The following TAFA2 variants were observed in gnomAD, a reference collection of about 807,000 sequenced individuals.
TAFA2 encodes the protein TAFA chemokine like family member 2, also known as chemokine-like protein TAFA-2.
TAFA2 carries 7 observed loss-of-function variants against 18.8 expected under a neutral mutation model. That is an observed-to-expected ratio of 0.37 (90% CI 0.21 to 0.70). TAFA2 has a LOEUF of 0.70. TAFA2 is among the 30% of genes least tolerant of loss of function. The probability of loss-of-function intolerance (pLI) is 0.53; values close to 1 mark genes in which losing one functional copy is unlikely to be tolerated. For synonymous variants in TAFA2, 60 were observed against 54.2 expected (o/e 1.11, Z -0.47); for missense variants, 122 against 158.1 (o/e 0.77, Z 1.23).
chr12:62,151,714 T>C (rs779381367), intron 1 of TAFA2, among the ~76,000 whole-genome samples: 14 of 152,220 alleles, frequency 9.2e-5, no homozygotes, highest in Non-Finnish European at 2.1e-4. Flanking sequence ...TTCCCCAGAC[T>C]TGTGTATCTT....
intron 2 of TAFA2, among the ~76,000 whole-genome samples, chr12:61,769,449 A>G (rs1869930770): frequency 6.6e-6 from 1 of 151,822 alleles, no homozygotes; most frequent in Non-Finnish European, 1.5e-5. Flanking sequence ...CCATTGCATT[A>G]AAAAAAACTA....
chr12:62,143,488 C>T (rs2062255010), intron 1 of TAFA2, among the ~76,000 whole-genome samples: 1 of 152,172 alleles, frequency 6.6e-6, no homozygotes, highest in South Asian at 2.1e-4. Context: ...GACTATCTAA[C>T]TAAGAACTTT....
chr12:61,858,902 T>C (rs1425801101), intron 2 of TAFA2, among the ~76,000 whole-genome samples: 2 of 152,230 alleles, frequency 1.3e-5, no homozygotes, highest in Non-Finnish European at 2.9e-5. Context: ...TATATTAATG[T>C]AATGTATACT....
intron 1 of TAFA2, among the ~76,000 whole-genome samples, chr12:62,033,215 C>A (rs2136748491): frequency 6.6e-6 from 1 of 152,176 alleles, no homozygotes; most frequent in Middle Eastern, 3.4e-3. Flanking sequence ...TCCTGTGTCA[C>A]CTTATGAAAC....
At chr12:61,946,230 G>A (rs1878264308) in intron 1 of TAFA2, among the ~76,000 whole-genome samples, 1 of 150,748 alleles carries the variant, frequency 6.6e-6, no homozygotes. Context: ...TTAATAAATG[G>A]TGCTGGGAAA....
intron 1 of TAFA2, among the ~76,000 whole-genome samples, chr12:62,230,724 C>T (rs987371760): frequency 1.1e-4 from 17 of 152,160 alleles, no homozygotes; most frequent in African/African-American, 3.4e-4. Context: ...GTCACCCAGG[C>T]TGGAGTGCAG....
At chr12:62,124,745 C>T (rs1485660963) in intron 1 of TAFA2, among the ~76,000 whole-genome samples, 1 of 152,072 alleles carries the variant, frequency 6.6e-6, no homozygotes, top group African/African-American at 2.4e-5. Context: ...TCAATCCCAG[C>T]GTGATCTTGC....
intron 2 of TAFA2, among the ~76,000 whole-genome samples, chr12:61,861,256 CTTTTT>C (rs1172711323): frequency 1.7e-5 from 2 of 117,146 alleles, no homozygotes; most frequent in African/African-American, 6.6e-5. Flanking sequence ...CTGGCCTCGC[CTTTTT>C]TTTTTTTTTT....
At chr12:62,144,273 T>C (rs904920257) in intron 1 of TAFA2, among the ~76,000 whole-genome samples, 1 of 152,080 alleles carries the variant, frequency 6.6e-6, no homozygotes, top group African/African-American at 2.4e-5. Context: ...TCCAAAATTA[T>C]GCTAGGTTAG....
At chr12:62,021,373 A>G (rs1881130126) in intron 1 of TAFA2, among the ~76,000 whole-genome samples, 1 of 151,922 alleles carries the variant, frequency 6.6e-6, no homozygotes, top group Admixed American at 6.6e-5. Flanking sequence ...ATTTTGGTGT[A>G]CCCATCACCT....
At chr12:61,935,674 A>G (rs1056581207) in intron 1 of TAFA2, among the ~76,000 whole-genome samples, 3 of 152,170 alleles carry the variant, frequency 2.0e-5, no homozygotes, top group African/African-American at 4.8e-5. Context: ...TCAACTTTTG[A>G]ACAAAACACA....
intron 1 of TAFA2, among the ~76,000 whole-genome samples, chr12:62,078,559 A>G (rs79433505): frequency 0.021 from 3,231 of 151,910 alleles, 50 homozygotes; most frequent in Non-Finnish European, 0.032. Context: ...TAACAGGCCA[A>G]TGAGACATAT....
intron 1 of TAFA2, among the ~76,000 whole-genome samples, chr12:62,096,740 C>T (rs1166932887): frequency 1.3e-5 from 2 of 152,130 alleles, no homozygotes; most frequent in African/African-American, 2.4e-5. Flanking sequence ...AGTGTTGAAA[C>T]ATAGGCACAA....
chr12:62,063,044 T>C (rs951468196), intron 1 of TAFA2, among the ~76,000 whole-genome samples: 1 of 152,088 alleles, frequency 6.6e-6, no homozygotes, highest in Non-Finnish European at 1.5e-5. Context: ...CTAGATAATC[T>C]AGGAAGATCT....
chr12:62,244,524 C>T (rs2062876212), intron 1 of TAFA2, among the ~76,000 whole-genome samples: 1 of 152,104 alleles, frequency 6.6e-6, no homozygotes, highest in African/African-American at 2.4e-5. Flanking sequence ...ATAAATAATG[C>T]TCTAATCAGT....
intron 1 of TAFA2, among the ~76,000 whole-genome samples, chr12:61,942,149 AC>A (rs1481634874): frequency 1.4e-5 from 2 of 147,976 alleles, no homozygotes; most frequent in Admixed American, 1.3e-4. Flanking sequence ...CTGACCCCTG[AC>A]CCCCGAGCAG....
At chr12:61,952,076 C>T (rs564569737) in intron 1 of TAFA2, among the ~76,000 whole-genome samples, 1 of 152,206 alleles carries the variant, frequency 6.6e-6, no homozygotes, top group Non-Finnish European at 1.5e-5. Flanking sequence ...ATCTATACTG[C>T]TACATTTCCC....
At chr12:61,868,331 C>A (rs1292802640) in intron 1 of TAFA2, among the ~76,000 whole-genome samples, 1 of 152,126 alleles carries the variant, frequency 6.6e-6, no homozygotes, top group Non-Finnish European at 1.5e-5. Flanking sequence ...TTCTAAAATT[C>A]TTGCATTAAT....
At chr12:62,147,339 T>C (rs2062291787) in intron 1 of TAFA2, among the ~76,000 whole-genome samples, 1 of 73,332 alleles carries the variant, frequency 1.4e-5, no homozygotes, top group Non-Finnish European at 2.9e-5. Context: ...TATATATATA[T>C]ATATATATAT....
Sources: allele counts gnomAD v4.1 joint callset (sites outside exome capture counted in the v4.1 genomes callset), GRCh38; gene constraint gnomAD v4.1.1; transcripts MANE v1.5; gene names NCBI Gene and HGNC (gene_info 2026-07-23, HGNC 2026-07-21).